IRAK1BP1: variants seen among roughly 807,000 people sequenced by gnomAD.
IRAK1BP1 encodes interleukin 1 receptor associated kinase 1 binding protein 1, also known as interleukin-1 receptor-associated kinase 1-binding protein 1.
In IRAK1BP1, 24 loss-of-function variants were observed where a neutral mutation model predicts 28.0. That is an observed-to-expected ratio of 0.86 (90% confidence interval 0.62 to 1.20). The LOEUF is 1.20. Ranked by LOEUF, IRAK1BP1 falls within the 50% of genes most tolerant of loss-of-function variation. The pLI is 0.00. For synonymous variants in IRAK1BP1, 131 were observed against 116.3 expected, an observed-to-expected ratio of 1.13 and a Z score of -0.81; for missense variants, 336 against 316.7, an observed-to-expected ratio of 1.06 and a Z score of -0.46.
At chr6:78,970,815 G>T in the IRAK1BP1 span, 1 of 1,609,152 alleles carries the variant, frequency 6.2e-7, no homozygotes, top group Non-Finnish European at 8.5e-7. Context: ...TTGTTTTTTG[G>T]GATTGATACT....
At chr6:78,966,283 T>C in the IRAK1BP1 span, among the ~76,000 whole-genome samples, 4 of 152,250 alleles carry the variant, frequency 2.6e-5, no homozygotes, top group Admixed American at 1.3e-4. Context: ...TTCTATTTTT[T>C]ATATTTCATT....
the IRAK1BP1 span, chr6:78,970,944 A>G: frequency 8.6e-7 from 1 of 1,157,634 alleles, no homozygotes; most frequent in Non-Finnish European, 1.2e-6. Flanking sequence ...AATCCAATAT[A>G]CAGGGTATCA....
intron 1 of IRAK1BP1, 109 bp from the exon 2 acceptor site, chr6:78,885,269 G>A: frequency 3.3e-6 from 2 of 612,678 alleles, no homozygotes; most frequent in Non-Finnish European, 5.8e-6. Flanking sequence ...AGTTCTTTTT[G>A]CATATTTTAT....
chr6:78,964,613 C>T, the IRAK1BP1 span, among the ~76,000 whole-genome samples: 43 of 152,276 alleles, frequency 2.8e-4, no homozygotes, highest in South Asian at 5.0e-3. Context: ...CTGCCTCAAC[C>T]TTCTGAGTAG....
chr6:78,883,496 A>G (rs1475281217), intron 1 of IRAK1BP1, among the ~76,000 whole-genome samples: 1 of 152,200 alleles, frequency 6.6e-6, no homozygotes, highest in East Asian at 1.9e-4. Flanking sequence ...GCAATAAAAG[A>G]TACTTTTCTT....
the IRAK1BP1 span, among the ~76,000 whole-genome samples, chr6:78,953,249 C>T: frequency 2.0e-5 from 3 of 152,150 alleles, no homozygotes; most frequent in Non-Finnish European, 2.9e-5. Context: ...ATTCAGGGTA[C>T]AGTTCTTCAA....
intron 2 of IRAK1BP1, among the ~76,000 whole-genome samples, chr6:78,897,096 T>G (rs1771911836): frequency 6.6e-6 from 1 of 151,156 alleles, no homozygotes; most frequent in South Asian, 2.1e-4. Context: ...CAAAAAAAAT[T>G]TTTTTAATTA....
At chr6:78,969,713 T>C in the IRAK1BP1 span, 4 of 532,486 alleles carry the variant, frequency 7.5e-6, no homozygotes, top group African/African-American at 3.9e-5. Context: ...GCTATTAACA[T>C]TCCTACAAAT....
intron 4 of IRAK1BP1, among the ~76,000 whole-genome samples, chr6:78,917,207 A>T (rs1336871372): frequency 7.9e-5 from 12 of 152,112 alleles, no homozygotes; most frequent in Non-Finnish European, 1.8e-4. Flanking sequence ...GAAGGAAGAG[A>T]TAAACATTTT....
At chr6:78,930,619 TACAGAGAA>T (rs1268876004) in intron 4 of IRAK1BP1, among the ~76,000 whole-genome samples, 2 of 152,172 alleles carry the variant, frequency 1.3e-5, no homozygotes, top group East Asian at 1.9e-4. Context: ...AATAGTGAAA[TACAGAGAA>T]ACAGAGAAAT....
chr6:78,902,630 G>C lies in IRAK1BP1; in HGVS notation c.*4296G>C, dbSNP rs990462859. 5.6e-6 allele frequency: 1 copy of C among 177,302 alleles called. No individual in the cohort carries two copies. The highest frequency in any genetic ancestry group is 1.2e-5 in the Non-Finnish European group (1 of 84,242). 11.0% of individuals were successfully genotyped at this position (177,302 alleles called of 1,614,324 possible). On this transcript the variant is annotated 3_prime_UTR_variant, in exon 4 of 4. Transcript: ENST00000369940. ...TTCTAAAAATACAGAAGTTACTCAGGCGTGGTGGCGTGTGACTGTAATCTC... is the reference window on the plus strand; with the variant it reads ...TTCTAAAAATACAGAAGTTACTCAGCCGTGGTGGCGTGTGACTGTAATCTC...
chr6:78,892,087 G>A (rs562927170), intron 2 of IRAK1BP1, among the ~76,000 whole-genome samples: 4 of 152,088 alleles, frequency 2.6e-5, no homozygotes, highest in Non-Finnish European at 5.9e-5. Flanking sequence ...TCTGTAAGAA[G>A]AAACAAAACA....
intron 4 of IRAK1BP1, among the ~76,000 whole-genome samples, chr6:78,934,926 T>C (rs1051717103): frequency 6.6e-6 from 1 of 152,206 alleles, no homozygotes; most frequent in Non-Finnish European, 1.5e-5. Flanking sequence ...CACCATTCTT[T>C]TCCCAAAGAC....
downstream of IRAK1BP1, among the ~76,000 whole-genome samples, chr6:78,948,137 T>C (rs1324106369): frequency 6.6e-6 from 1 of 152,124 alleles, no homozygotes; most frequent in Admixed American, 6.5e-5. Context: ...TACTTATAAA[T>C]TCTAAAGGTC....
At chr6:78,972,525 G>C in the IRAK1BP1 span, among the ~76,000 whole-genome samples, 8 of 152,304 alleles carry the variant, frequency 5.3e-5, no homozygotes, top group Non-Finnish European at 7.4e-5. Flanking sequence ...AAAGCTGGAC[G>C]CAGAATGACT....
the IRAK1BP1 span, among the ~76,000 whole-genome samples, chr6:78,974,121 T>G: frequency 1.4e-4 from 22 of 151,858 alleles, no homozygotes; most frequent in Non-Finnish European, 2.7e-4. Context: ...ACCACATACT[T>G]GGAAGTAAAG....
chr6:78,885,455 A>T lies in IRAK1BP1; in HGVS notation c.381+12A>T, dbSNP rs79749552. On this transcript the variant is annotated intron_variant, in intron 2 of 3. Coordinates refer to ENST00000369940, the MANE Select transcript of IRAK1BP1 (RefSeq NM_001010844.4). ...ACATGGAAGCAGAGGTATGTACTTA[A>T]CAAATAATTGGAAGCAGCATGATTT... 1.9e-4 allele frequency: 65 copies of T among 336,774 alleles called. 2 individuals carry two copies. Among genetic ancestry groups the T allele is most frequent in the Admixed American group, 4.3e-4 (6 of 13,926 alleles). The allele number at this position is 336,774 out of a possible 1,614,324, so 20.9% of individuals were successfully genotyped here.
intron 1 of IRAK1BP1, among the ~76,000 whole-genome samples, chr6:78,878,113 A>G (rs1163393949): frequency 6.6e-6 from 1 of 152,192 alleles, no homozygotes; most frequent in African/African-American, 2.4e-5. Flanking sequence ...GCAGACTTAA[A>G]TGTACCTGTC....
At chr6:78,969,485 G>GT in the IRAK1BP1 span, among the ~76,000 whole-genome samples, 1 of 152,126 alleles carries the variant, frequency 6.6e-6, no homozygotes, top group East Asian at 1.9e-4. Context: ...AAAAATGTCA[G>GT]TTTAGCTTTA....
Sources: gnomAD v4.1 joint callset for allele counts (sites outside exome capture counted in the v4.1 genomes callset) on GRCh38, gnomAD v4.1.1 for gene constraint, MANE v1.5 for transcripts, NCBI Gene and HGNC (gene_info 2026-07-23, HGNC 2026-07-21) for gene names.